Variants in ACTL7B observed in about 807,000 individuals in gnomAD.
ACTL7B encodes actin-like protein 7B.
A neutral mutation model predicts 17.5 loss-of-function variants in ACTL7B; 14 were observed. That is an observed-to-expected ratio of 0.80 (90% confidence interval 0.53 to 1.25). The LOEUF (loss-of-function observed/expected upper bound fraction) is 1.25, where lower values mean the gene tolerates loss of function less well. Ranked by LOEUF, ACTL7B falls within the 50% of genes most tolerant of loss-of-function variation. The pLI is 0.00. For synonymous variants in ACTL7B, 267 were observed against 252.4 expected (o/e 1.06, Z -0.55); for missense variants, 599 against 573.9 (o/e 1.04, Z -0.45).
rs763463229 is a variant in ACTL7B, at chr9:108,855,329, T to A, written c.602A>T (p.His201Leu). ...TATGGGCACCACGTGCGAGACGCCGTGCCCGCTCTCCACCACCAGCCCCGA... is the reference window on the plus strand; with the variant it reads ...TATGGGCACCACGTGCGAGACGCCGAGCCCGCTCTCCACCACCAGCCCCGA... ...KTSGLVVESG[H>L]GVSHVVPISE... The change falls in exon 1 of 1, where the codon CAC becomes CTC. Residue 201 changes from histidine (H) to leucine (L), a missense_variant. Coordinates refer to ENST00000374667, the MANE Select transcript of ACTL7B (RefSeq NM_006686.4). The A allele has an allele frequency of 1.9e-6, 3 of 1,606,878 alleles. No homozygotes were observed. The highest frequency in any genetic ancestry group is 2.2e-5 in the East Asian group (1 of 44,874).
rs759298090 is a variant in ACTL7B at position 108,854,740 on chromosome 9, C to G, written c.1191G>C (p.Trp397Cys). The change falls in exon 1 of 1, where the codon TGG (tryptophan) becomes TGC (cysteine). Residue 397 changes from tryptophan (W) to cysteine (C), a missense_variant. Physicochemically the swap from Trp to Cys is radical, Grantham distance 215. Coordinates refer to ENST00000374667, the MANE Select transcript of ACTL7B (RefSeq NM_006686.4). ...LASLQAFQQL[W>C]VSKEEFEERG... ...GCTCCTCAAACTCTTCCTTGCTGAC[C>G]CAGAGCTGTTGGAAGGCCTGCAGGG... 6.4e-7 allele frequency: 1 copy of G among 1,556,648 alleles called. No individual in the cohort carries two copies. Among genetic ancestry groups the G allele is most frequent in the East Asian group, 2.3e-5 (1 of 44,224 alleles).
chr9:108,855,048 G>C lies in ACTL7B; in HGVS notation c.883C>G (p.Arg295Gly). The C allele has an allele frequency of 1.3e-6, 2 of 1,532,286 alleles. No individual in the cohort carries two copies. The highest frequency in any genetic ancestry group is 8.8e-7 in the Non-Finnish European group (1 of 1,138,040). 94.9% of individuals were successfully genotyped at this position (1,532,286 alleles called of 1,614,324 possible). A position where few individuals can be genotyped will look rare whatever the true frequency, so the allele number is the denominator to read the frequency against. ...AAGAGCATCTCAGAGCAACGGAAGC[G>C]CTCCTGGCCAATAGTGATGAGTTTG... The part of the protein sequence containing the change: ...DGKLITIGQE[R>G]FRCSEMLFQP... The change falls in exon 1 of 1, where the codon CGC becomes GGC. Residue 295 changes from arginine (R) to glycine (G), a missense_variant. By Grantham distance (125) the Arg-to-Gly change is moderately radical. Transcript: ENST00000374667.
At position 108,855,439 on chromosome 9, in the gene ACTL7B, C is replaced by T. The variant is rs114146670; in HGVS notation, c.492G>A (p.Ala164=). 41 of 1,613,288 alleles carry T rather than the reference C, an allele frequency of 2.5e-5. No individual in the cohort carries two copies. The African/African-American group carries it at 4.8e-4, about 19-fold the overall frequency. Residue 164 remains alanine (A), a synonymous_variant, in exon 1 of 1, where the codon GCG becomes GCA. Coordinates refer to ENST00000374667, the MANE Select transcript of ACTL7B (RefSeq NM_006686.4). ...TGCCGAAGGTCTCAAACATGAGCTC[C>T]GCGTACTTCTCCCGGTTGCTGCTGG... ...LSPSSNREKY[A]ELMFETFGIP...
At position 108,855,246 on chromosome 9, in the gene ACTL7B, G is replaced by A. The variant is rs955896875; in HGVS notation, c.685C>T (p.Leu229Phe). Residue 229 changes from leucine to phenylalanine, a missense_variant, in exon 1 of 1, where the codon CTC becomes TTC. Coordinates refer to ENST00000374667, the MANE Select transcript of ACTL7B (RefSeq NM_006686.4). ...TSRADYAGGD[L>F]TNYLMQLLNE... ...AGCAGCTGCATCAGGTAGTTGGTGA[G>A]GTCACCCCCAGCGTAGTCGGCGCGG... 7 of 1,595,114 alleles carry A rather than the reference G, an allele frequency of 4.4e-6. No individual in the cohort carries two copies. The highest frequency in any genetic ancestry group is 1.3e-5 in the African/African-American group (1 of 74,810).
In ACTL7B at chr9:108,854,695, G is replaced by C. The variant is rs923154338; in HGVS notation, c.1236C>G (p.Tyr412Ter). 2 of 1,511,142 alleles carry C rather than the reference G, an allele frequency of 1.3e-6. No homozygotes were observed. Among genetic ancestry groups the C allele is most frequent in the South Asian group, 2.7e-5 (2 of 74,400 alleles). 93.6% of individuals were successfully genotyped at this position (1,511,142 alleles called of 1,614,324 possible). ...GAAATGCCGAGGCTCAGCACTTGCT[G>C]TAGATGGCCACGCTGCCCCGCTCCT... ...EFEERGSVAI[Y>*]SKC Residue 412 changes from tyrosine (Y) to a stop codon, truncating the protein, a stop_gained, in exon 1 of 1, where the codon TAC becomes TAG. Transcript: ENST00000374667. LOFTEE classifies it high-confidence loss of function.
Position 108,855,617 on chromosome 9 carries a change from G to C in ACTL7B, c.314C>G (p.Thr105Arg), listed in dbSNP as rs1408769817. 1 of 1,613,720 alleles carries C rather than the reference G, an allele frequency of 6.2e-7. No homozygotes were observed. The highest frequency in any genetic ancestry group is 1.1e-5 in the South Asian group (1 of 91,088). Residue 105 changes from threonine (T) to arginine (R), a missense_variant, in exon 1 of 1, where the codon ACG (threonine) becomes AGG (arginine). Thr to Arg is a moderately conservative substitution (Grantham distance 71). Coordinates refer to ENST00000374667, the MANE Select transcript of ACTL7B (RefSeq NM_006686.4). ...GTTCACCAGCTTGAGAGGCGCCTCCGTGTTGAGCAGCTCATGGCCCACTAA... is the reference window on the plus strand; with the variant it reads ...GTTCACCAGCTTGAGAGGCGCCTCCCTGTTGAGCAGCTCATGGCCCACTAA... ...WTLVGHELLN[T>R]EAPLKLVNPL...
In ACTL7B at chr9:108,855,242, G is replaced by C. The variant is rs759913792; in HGVS notation, c.689C>G (p.Thr230Ser). Residue 230 changes from threonine to serine, a missense_variant, in exon 1 of 1, where the codon ACC becomes AGC. By Grantham distance (58) the Thr-to-Ser change is moderately conservative. Transcript: ENST00000374667. ...SRADYAGGDL[T>S]NYLMQLLNEA... is the part of the protein sequence containing the mutation. ...ATTGAGCAGCTGCATCAGGTAGTTGGTGAGGTCACCCCCAGCGTAGTCGGC... is the reference window on the plus strand; with the variant it reads ...ATTGAGCAGCTGCATCAGGTAGTTGCTGAGGTCACCCCCAGCGTAGTCGGC... 2 of 1,595,022 alleles carry C rather than the reference G, an allele frequency of 1.3e-6. No homozygotes were observed. Among genetic ancestry groups the C allele is most frequent in the Middle Eastern group, 1.7e-4 (1 of 6,036 alleles).
Position 108,855,475 on chromosome 9 carries a change from A to C in ACTL7B, c.456T>G (p.Pro152=). The C allele has an allele frequency of 6.2e-7, 1 of 1,613,378 alleles. No homozygotes were observed. The highest frequency in any genetic ancestry group is 8.5e-7 in the Non-Finnish European group (1 of 1,179,986). ...CCCGGTTGCTGCTGGGGCTGAGCGG[A>C]GGGTCGGAGACCAGCACAGCGTGCT... ...PEEHAVLVSD[P]PLSPSSNREK... Residue 152 remains proline (P), a synonymous_variant, in exon 1 of 1, where the codon CCT becomes CCG. Coordinates refer to ENST00000374667, the MANE Select transcript of ACTL7B (RefSeq NM_006686.4).
chr9:108,855,717 T>C lies in ACTL7B; in HGVS notation c.214A>G (p.Thr72Ala), dbSNP rs757119451. 1.2e-6 allele frequency: 2 copies of C among 1,609,766 alleles called. No individual in the cohort carries two copies. Among genetic ancestry groups the C allele is most frequent in the South Asian group, 1.1e-5 (1 of 91,060 alleles). Residue 72 changes from threonine (T) to alanine (A), a missense_variant, in exon 1 of 1, where the codon ACC becomes GCC. Physicochemically the swap from Thr to Ala is moderately conservative, Grantham distance 58. Coordinates refer to ENST00000374667, the MANE Select transcript of ACTL7B (RefSeq NM_006686.4). ...KCGYAGEPRPTYFISSTVGKR... is the reference protein window; with the variant it reads ...KCGYAGEPRPAYFISSTVGKR... ...CCCACGGTGGAGGAGATGAAGTAGG[T>C]GGGCCTCGGCTCTCCCGCGTAGCCG...
chr9:108,854,936 T>C lies in ACTL7B; in HGVS notation c.995A>G (p.Lys332Arg). Residue 332 changes from lysine to arginine, a missense_variant, in exon 1 of 1, where the codon AAG (lysine) becomes AGG (arginine). Transcript: ENST00000374667. ...TAGCACGTTGGCGGCCATCTCCTCC[T>C]TGAAGCCCGTGTCCTGGCAGCGGCC... is the stretch of plus-strand genomic sequence containing the variant. ...CLGRCQDTGF[K>R]EEMAANVLLC... 6.6e-7 allele frequency: 1 copy of C among 1,516,290 alleles called. No homozygotes were observed. The highest frequency in any genetic ancestry group is 2.3e-5 in the East Asian group (1 of 43,878). 93.9% of individuals were successfully genotyped at this position (1,516,290 alleles called of 1,614,324 possible). A position where few individuals can be genotyped will look rare whatever the true frequency, so the allele number is the denominator to read the frequency against.
Position 108,855,887 on chromosome 9 carries a change from C to A in ACTL7B, c.44G>T (p.Gly15Val). Residue 15 changes from glycine to valine, a missense_variant, in exon 1 of 1, where the codon GGT becomes GTT. Gly to Val is a moderately radical substitution (Grantham distance 109). Coordinates refer to ENST00000374667, the MANE Select transcript of ACTL7B (RefSeq NM_006686.4). ...NSPMPLGTAQ[G>V]DPGEAGTRPG... ...CCGTGTTCCTGCCTCTCCAGGGTCA[C>A]CCTGAGCCGTGCCCAGGGGCATGGG... is the stretch of plus-strand genomic sequence containing the variant. 6.2e-7 allele frequency: 1 copy of A among 1,607,116 alleles called. No homozygotes were observed. The highest frequency in any genetic ancestry group is 8.5e-7 in the Non-Finnish European group (1 of 1,177,612).
In ACTL7B at chr9:108,855,564, A is replaced by T; in HGVS notation, c.367T>A (p.Trp123Arg). The T allele has an allele frequency of 1.9e-6, 3 of 1,613,780 alleles. No individual in the cohort carries two copies. Among genetic ancestry groups the T allele is most frequent in the Non-Finnish European group, 2.5e-6 (3 of 1,180,036 alleles). The change falls in exon 1 of 1, where the codon TGG (tryptophan) becomes AGG (arginine). Residue 123 changes from tryptophan to arginine, a missense_variant. Coordinates refer to ENST00000374667, the MANE Select transcript of ACTL7B (RefSeq NM_006686.4). Reference protein sequence around the residue: ...NPLKHGIVVDWDCVQDIWEYI... With the variant: ...NPLKHGIVVDRDCVQDIWEYI... ...TCCCAGATGTCCTGCACGCAGTCCC[A>T]GTCCACCACGATGCCGTGCTTCAGC...
rs542048908 is a variant in ACTL7B at position 108,855,269 on chromosome 9, C to A, written c.662G>T (p.Arg221Leu). The A allele has an allele frequency of 3.8e-6, 6 of 1,596,726 alleles. No individual in the cohort carries two copies. Among genetic ancestry groups the A allele is most frequent in the Non-Finnish European group, 5.1e-6 (6 of 1,176,972 alleles). Residue 221 changes from arginine (R) to leucine (L), a missense_variant, in exon 1 of 1, where the codon CGC becomes CTC. Transcript: ENST00000374667. ...EGDVLPGLTS[R>L]ADYAGGDLTN... ...GAGGTCACCCCCAGCGTAGTCGGCG[C>A]GGCTGGTCAGGCCCGGCAGCACGTC...
rs2118885286 is a variant in ACTL7B at position 108,854,866 on chromosome 9, G to GA, written c.1064dup (p.Gln356ProfsTer20). 1 of 1,543,638 alleles carries GA rather than the reference G, an allele frequency of 6.5e-7. No homozygotes were observed. Among genetic ancestry groups the GA allele is most frequent in the East Asian group, 2.3e-5 (1 of 44,104 alleles). The stretch of plus-strand genomic sequence containing the variant: ...GGCAGAGGAGGCTCAGCTCCCTCTG[G>GA]AAGCGCTCGGGGAAGCCATCCAGCA... On this transcript the variant is annotated frameshift_variant, in exon 1 of 1. Coordinates refer to ENST00000374667, the MANE Select transcript of ACTL7B (RefSeq NM_006686.4). LOFTEE classifies it high-confidence loss of function.
At position 108,854,871 on chromosome 9, in the gene ACTL7B, G is replaced by A. The variant is rs753089435; in HGVS notation, c.1060C>T (p.Arg354Cys). The change falls in exon 1 of 1, where the codon CGC becomes TGC. Residue 354 changes from arginine (R) to cysteine (C), a missense_variant. Coordinates refer to ENST00000374667, the MANE Select transcript of ACTL7B (RefSeq NM_006686.4). ...GCTMLDGFPE[R>C]FQRELSLLCP... ...AGGAGGCTCAGCTCCCTCTGGAAGC[G>A]CTCGGGGAAGCCATCCAGCATAGTG... The A allele has an allele frequency of 2.1e-5, 32 of 1,536,028 alleles. No homozygotes were observed. The highest frequency in any genetic ancestry group is 1.3e-5 in the Non-Finnish European group (15 of 1,141,800).
rs758050483 is a variant in ACTL7B, at chr9:108,855,105, C to T, written c.826G>A (p.Glu276Lys). 5 of 1,602,158 alleles carry T rather than the reference C, an allele frequency of 3.1e-6. No individual in the cohort carries two copies. The highest frequency in any genetic ancestry group is 4.3e-6 in the Non-Finnish European group (5 of 1,174,702). Residue 276 changes from glutamate (E) to lysine (K), a missense_variant, in exon 1 of 1, where the codon GAG becomes AAG. Coordinates refer to ENST00000374667, the MANE Select transcript of ACTL7B (RefSeq NM_006686.4). The part of the protein sequence containing the change: ...PEEELGLVPE[E>K]LRVDYELPDG... Reference sequence around the variant, plus strand: ...GGGAGCTCGTAGTCCACGCGCAGCTCCTCCGGGACCAGGCCCAGCTCCTCC... The same window carrying T: ...GGGAGCTCGTAGTCCACGCGCAGCTTCTCCGGGACCAGGCCCAGCTCCTCC...
Position 108,855,166 on chromosome 9 carries a change from G to T in ACTL7B, c.765C>A (p.Ile255=), listed in dbSNP as rs776810328. ...TDDHLHIIEH[I]KKKCCYAAFL... ...AGGCCGCATAGCAGCACTTCTTCTT[G>T]ATGTGCTCTATGATGTGCAGGTGGT... Residue 255 remains isoleucine, a synonymous_variant, in exon 1 of 1, where the codon ATC becomes ATA. Coordinates refer to ENST00000374667, the MANE Select transcript of ACTL7B (RefSeq NM_006686.4). 7 of 1,609,820 alleles carry T rather than the reference G, an allele frequency of 4.3e-6. No individual in the cohort carries two copies. The highest frequency in any genetic ancestry group is 5.1e-6 in the Non-Finnish European group (6 of 1,179,392).
In ACTL7B at chr9:108,855,888, C is replaced by T; in HGVS notation, c.43G>A (p.Gly15Ser). 1 of 1,606,708 alleles carries T rather than the reference C, an allele frequency of 6.2e-7. No individual in the cohort carries two copies. The highest frequency in any genetic ancestry group is 8.5e-7 in the Non-Finnish European group (1 of 1,177,434). Residue 15 changes from glycine to serine, a missense_variant, in exon 1 of 1, where the codon GGT becomes AGT. Physicochemically the swap from Gly to Ser is moderately conservative, Grantham distance 56. Coordinates refer to ENST00000374667, the MANE Select transcript of ACTL7B (RefSeq NM_006686.4). ...CGTGTTCCTGCCTCTCCAGGGTCACCCTGAGCCGTGCCCAGGGGCATGGGG... is the reference window on the plus strand; with the variant it reads ...CGTGTTCCTGCCTCTCCAGGGTCACTCTGAGCCGTGCCCAGGGGCATGGGG... ...NSPMPLGTAQ[G>S]DPGEAGTRPG... is the part of the protein sequence containing the mutation.
Position 108,855,386 on chromosome 9 carries a change from G to T in ACTL7B, c.545C>A (p.Ser182Ter), listed in dbSNP as rs749663478. ...GIPAMHVTSQ[S>*]LLSIYSYGKT... ...GCCGTAGGAGTAGATGGACAGCAACGACTGGGACGTCACGTGCATGGCTGG... is the reference window on the plus strand; with the variant it reads ...GCCGTAGGAGTAGATGGACAGCAACTACTGGGACGTCACGTGCATGGCTGG... Residue 182 changes from serine to a stop codon, truncating the protein, a stop_gained, in exon 1 of 1, where the codon TCG becomes TAG. Transcript: ENST00000374667. LOFTEE classifies it high-confidence loss of function. The T allele has an allele frequency of 7.4e-6, 12 of 1,612,992 alleles. No individual in the cohort carries two copies. In the Admixed American group the frequency reaches 1.5e-4, roughly 20 times the overall value.
Sources: gnomAD v4.1 joint callset for allele counts on GRCh38, gnomAD v4.1.1 for gene constraint, MANE v1.5 for transcripts, NCBI Gene and HGNC (gene_info 2026-07-23, HGNC 2026-07-21) for gene names.